ESRRG: variants seen among roughly 807,000 people sequenced by gnomAD.
ESRRG encodes the protein estrogen related receptor gamma.
A neutral mutation model predicts 44.0 loss-of-function variants in ESRRG; 13 were observed. The ratio of observed to expected loss-of-function variants is 0.30; its 90% confidence interval spans 0.19 to 0.47. The LOEUF is 0.47. ESRRG is among the 20% of genes least tolerant of loss of function. The pLI is 1.00. For missense variants in ESRRG, 395 were observed against 580.6 expected (o/e 0.68, Z 3.29); for synonymous variants, 215 against 214.6 (o/e 1.00, Z -0.02).
chr1:216,946,709 TC>T (rs942695679), intron 1 of ESRRG, among the ~76,000 whole-genome samples: 7 of 152,006 alleles, frequency 4.6e-5, no homozygotes, highest in Non-Finnish European at 1.0e-4. Flanking sequence ...TTTCCTTTCT[TC>T]CTTTTTTCTT....
chr1:216,560,815 G>A (rs901428056), intron 5 of ESRRG, among the ~76,000 whole-genome samples: 11 of 152,300 alleles, frequency 7.2e-5, no homozygotes, highest in African/African-American at 2.6e-4. Flanking sequence ...TATTGTGTTA[G>A]CATGCGCTTA....
At chr1:217,061,571 A>T (rs1158602301) in intron 1 of ESRRG, among the ~76,000 whole-genome samples, 2 of 152,104 alleles carry the variant, frequency 1.3e-5, no homozygotes, top group Non-Finnish European at 2.9e-5. Context: ...AAACAGGAAA[A>T]GGTCAGTCCT....
intron 1 of ESRRG, among the ~76,000 whole-genome samples, chr1:216,952,904 C>G (rs2067220877): frequency 2.0e-5 from 3 of 152,056 alleles, no homozygotes; most frequent in African/African-American, 7.2e-5. Flanking sequence ...CATTTTTGTA[C>G]CCCTCACTTC....
At chr1:216,546,176 C>G (rs2054454055) in intron 5 of ESRRG, among the ~76,000 whole-genome samples, 1 of 151,990 alleles carries the variant, frequency 6.6e-6, no homozygotes, top group African/African-American at 2.4e-5. Context: ...ACTGGATCTC[C>G]CTCCCCTGAC....
At chr1:216,752,738 A>G (rs186396278) in intron 2 of ESRRG, among the ~76,000 whole-genome samples, 4 of 152,160 alleles carry the variant, frequency 2.6e-5, no homozygotes, top group Non-Finnish European at 4.4e-5. Flanking sequence ...TGTAGTGGAC[A>G]TGTATTCTGG....
chr1:216,503,587 G>A lies in ESRRG; in HGVS notation c.*3352C>T, dbSNP rs544344344. 6.6e-6 allele frequency: 1 copy of A among 152,290 alleles called. No individual in the cohort carries two copies. The highest frequency in any genetic ancestry group is 6.6e-5 in the Admixed American group (1 of 15,228). The allele number at this position is 152,290 out of a possible 1,614,324, so 9.4% of individuals were successfully genotyped here. On this transcript the variant is annotated 3_prime_UTR_variant, in exon 7 of 7. Transcript: ENST00000408911. ...CAGTTTAAATTTTTTGTCCTTTTAC[G>A]ATCTTTGCACATAAGACTGCCATAA... is the stretch of plus-strand genomic sequence containing the variant.
At chr1:217,124,357 C>T (rs1373064934) in intron 1 of ESRRG, among the ~76,000 whole-genome samples, 1 of 152,174 alleles carries the variant, frequency 6.6e-6, no homozygotes, top group Non-Finnish European at 1.5e-5. Context: ...TGGGATAGTA[C>T]TATATTTCTT....
intron 1 of ESRRG, among the ~76,000 whole-genome samples, chr1:217,066,255 CTTTT>C (rs68151743): frequency 0.25 from 33,464 of 132,344 alleles, 3,708 homozygotes; most frequent in Non-Finnish European, 0.29. Flanking sequence ...TTTTTCTTTT[CTTTT>C]TTTTTTTTTT....
chr1:216,793,394 T>C (rs1292643997), intron 2 of ESRRG, among the ~76,000 whole-genome samples: 3 of 152,170 alleles, frequency 2.0e-5, no homozygotes, highest in African/African-American at 7.2e-5. Context: ...CAACTTCTGT[T>C]TTGGCCTTTC....
At chr1:216,912,121 A>AAAAG (rs2060391705) in intron 2 of ESRRG, among the ~76,000 whole-genome samples, 1 of 14,254 alleles carries the variant, frequency 7.0e-5, no homozygotes, top group Non-Finnish European at 1.2e-4. Flanking sequence ...AAAAGAAAAG[A>AAAAG]AAAGAAAAGA....
chr1:216,518,293 ATTTTATTGACAGTT>A (rs2148900269), intron 6 of ESRRG, among the ~76,000 whole-genome samples: 2 of 152,244 alleles, frequency 1.3e-5, no homozygotes, highest in Non-Finnish European at 2.9e-5. Flanking sequence ...CATTTAACAG[ATTTTATTGACAGTT>A]TCCTTCTTGT....
rs371045304 is a variant in ESRRG at position 216,994,190 on chromosome 1, A to C, written c.-105-54517T>G. Among the ~76,000 whole-genome samples the C allele has an allele frequency of 3.1e-4, 47 of 152,342 alleles. No homozygotes were observed. The East Asian group carries it at 8.3e-3, about 27-fold the overall frequency. ...TCAGGGGACTGGTAATGGGCTATAG[A>C]GTCACTCACTTTGAAGCCACCAGTT... On this transcript the variant is annotated intron_variant, in intron 1 of 7. Transcript: ENST00000359162.
chr1:216,936,384 A>G (rs2064151492), intron 2 of ESRRG, among the ~76,000 whole-genome samples: 1 of 152,056 alleles, frequency 6.6e-6, no homozygotes, highest in Non-Finnish European at 1.5e-5. Context: ...TCTAATTCAC[A>G]AGCATATTAC....
intron 2 of ESRRG, among the ~76,000 whole-genome samples, chr1:216,917,392 GCAA>G (rs1038751245): frequency 6.6e-6 from 1 of 152,008 alleles, no homozygotes; most frequent in African/African-American, 2.4e-5. Context: ...CCACTGACAC[GCAA>G]CAAGTCACCT....
chr1:216,845,410 A>G (rs2095727868), intron 2 of ESRRG, among the ~76,000 whole-genome samples: 1 of 152,306 alleles, frequency 6.6e-6, no homozygotes, highest in African/African-American at 2.4e-5. Context: ...GGTATAATTT[A>G]TTCCACCTAC....
intron 1 of ESRRG, among the ~76,000 whole-genome samples, chr1:217,024,416 G>T (rs907530774): frequency 2.6e-5 from 4 of 151,326 alleles, no homozygotes; most frequent in South Asian, 2.1e-4. Context: ...TAGGTAGTTT[G>T]TCATGGCTGC....
chr1:216,983,867 G>A (rs1427174604), intron 1 of ESRRG, among the ~76,000 whole-genome samples: 3 of 151,994 alleles, frequency 2.0e-5, no homozygotes, highest in African/African-American at 7.3e-5. Context: ...TTCTTACATA[G>A]AGGTCTTATC....
At chr1:216,727,730 A>C (rs990668691), upstream of ESRRG, among the ~76,000 whole-genome samples, 9 of 152,136 alleles carry the variant, frequency 5.9e-5, no homozygotes, top group African/African-American at 1.9e-4. Context: ...TCGCTTCCAC[A>C]GAAGCACTAA....
At chr1:216,883,619 A>G (rs946738337) in intron 2 of ESRRG, among the ~76,000 whole-genome samples, 1 of 152,112 alleles carries the variant, frequency 6.6e-6, no homozygotes, top group Non-Finnish European at 1.5e-5. Context: ...TCCATTAGGT[A>G]TGTCTTCCTG....
Sources: gnomAD v4.1 joint callset for allele counts (sites outside exome capture counted in the v4.1 genomes callset) on GRCh38, gnomAD v4.1.1 for gene constraint, MANE v1.5 for transcripts, NCBI Gene and HGNC (gene_info 2026-07-23, HGNC 2026-07-21) for gene names.